ACSM4: variants seen among roughly 807,000 people sequenced by gnomAD.
The protein encoded by ACSM4 is acyl-coenzyme A synthetase ACSM4, mitochondrial.
A neutral mutation model predicts 73.0 loss-of-function variants in ACSM4; 66 were observed. That is an observed-to-expected ratio of 0.90 (90% CI 0.74 to 1.11). The LOEUF (loss-of-function observed/expected upper bound fraction) is 1.11. ACSM4 is among the 50% of genes least tolerant of loss of function. The probability of loss-of-function intolerance (pLI) is 0.00; values close to 1 mark genes in which losing one functional copy is unlikely to be tolerated. For synonymous variants in ACSM4, 222 were observed against 254.0 expected (o/e 0.87, Z 1.20); for missense variants, 645 against 714.4 (o/e 0.90, Z 1.11).
intron 3 of ACSM4, among the ~76,000 whole-genome samples, chr12:7,314,948 T>C (rs34426274): frequency 0.063 from 9,615 of 152,058 alleles, 392 homozygotes; most frequent in East Asian, 0.16. Context: ...GTAATCCCAG[T>C]ACTTTGGGAT....
At chr12:7,321,421 G>A (rs2136335465) in intron 6 of ACSM4, among the ~76,000 whole-genome samples, 1 of 152,306 alleles carries the variant, frequency 6.6e-6, no homozygotes, top group South Asian at 2.1e-4. Flanking sequence ...AAGTAGCATA[G>A]GCTTGTCCAT....
At chr12:7,313,178 C>T (rs1382728587) in intron 3 of ACSM4, among the ~76,000 whole-genome samples, 2 of 152,156 alleles carry the variant, frequency 1.3e-5, no homozygotes, top group Non-Finnish European at 2.9e-5. Flanking sequence ...CTGTCCTAAA[C>T]AACTTTGCAA....
chr12:7,310,266 G>A (rs1276382423), intron 2 of ACSM4, among the ~76,000 whole-genome samples: 2 of 152,176 alleles, frequency 1.3e-5, no homozygotes, highest in African/African-American at 2.4e-5. Flanking sequence ...CCATTTTACA[G>A]ATAAGGAAAG....
At chr12:7,317,018 G>C in intron 3 of ACSM4, 119 bp from the exon 4 acceptor site, 1 of 1,278,036 alleles carries the variant, frequency 7.8e-7, no homozygotes. Context: ...TTTGGATTAG[G>C]TTCAGTTCTG....
rs199557461 is a variant in ACSM4 at position 7,306,676 on chromosome 12, C to T, written c.345C>T (p.Asp115=). The T allele has an allele frequency of 5.6e-6, 9 of 1,611,112 alleles. No homozygotes were observed. The highest frequency in any genetic ancestry group is 5.5e-5 in the South Asian group (5 of 90,202). ...LTKPCGLQRG[D]RLAVILPRIP... ...AGCCCTGTGGCCTGCAGAGAGGAGA[C>T]CGTTTGGCCGTGATTCTGCCCAGAA... Residue 115 remains aspartate (D), a synonymous_variant, in exon 2 of 13, where the codon GAC becomes GAT. Coordinates refer to ENST00000399422, the MANE Select transcript of ACSM4 (RefSeq NM_001080454.2).
At chr12:7,325,758 T>A (rs1482167875) in intron 11 of ACSM4, among the ~76,000 whole-genome samples, 1 of 152,198 alleles carries the variant, frequency 6.6e-6, no homozygotes, top group African/African-American at 2.4e-5. Flanking sequence ...ATAGCCTTAA[T>A]TCTAGGAGGA....
chr12:7,304,559 T>C (rs752199207), intron 1 of ACSM4, 27 bp downstream of exon 1: 8 of 1,596,150 alleles, frequency 5.0e-6, no homozygotes, highest in Non-Finnish European at 6.9e-6. Flanking sequence ...TTCCAGTAGA[T>C]GCTTGGTGTC....
intron 5 of ACSM4, among the ~76,000 whole-genome samples, chr12:7,318,970 CG>C (rs1946440776): frequency 6.6e-6 from 1 of 152,030 alleles, no homozygotes; most frequent in South Asian, 2.1e-4. Flanking sequence ...CTAGGGGGAG[CG>C]GGGAGATAAT....
rs367642233 is a variant in ACSM4 at position 7,322,402 on chromosome 12, A to G, written c.1002-16A>G. ...AGGTTCCTCTTGAAAAGACCCATGC[A>G]ACTCTGTCTCTCCAGATATAAATTC... On this transcript the variant is annotated splice_polypyrimidine_tract_variant and intron_variant, in intron 6 of 12. Coordinates refer to ENST00000399422, the MANE Select transcript of ACSM4 (RefSeq NM_001080454.2). 3.7e-6 allele frequency: 6 copies of G among 1,613,160 alleles called. No homozygotes were observed. In the African/African-American group the frequency reaches 6.7e-5, roughly 18 times the overall value.
At chr12:7,322,852 T>C (rs1946475282) in intron 7 of ACSM4, among the ~76,000 whole-genome samples, 1 of 152,148 alleles carries the variant, frequency 6.6e-6, no homozygotes, top group Non-Finnish European at 1.5e-5. Context: ...TCTGAGAGCG[T>C]CCATGGGAAA....
Position 7,324,329 on chromosome 12 carries a change from C to T in ACSM4, c.1365C>T (p.Asp455=). 1.2e-6 allele frequency: 2 copies of T among 1,613,906 alleles called. No individual in the cohort carries two copies. Among genetic ancestry groups the T allele is most frequent in the Non-Finnish European group, 1.7e-6 (2 of 1,179,904 alleles). ...TIRGDFYVTG[D]RGVMDSDGYF... ...GAGGAGATTTTTATGTCACTGGAGA[C>T]AGAGGAGTGATGGACAGTGATGGGT... Residue 455 remains aspartate, a synonymous_variant, in exon 10 of 13, where the codon GAC becomes GAT. Coordinates refer to ENST00000399422, the MANE Select transcript of ACSM4 (RefSeq NM_001080454.2).
At chr12:7,316,001 A>G (rs1031550468) in intron 3 of ACSM4, among the ~76,000 whole-genome samples, 1 of 152,182 alleles carries the variant, frequency 6.6e-6, no homozygotes. Flanking sequence ...GCCTAGGCTG[A>G]GAAGTCCCAG....
chr12:7,318,127 G>A lies in ACSM4; in HGVS notation c.866G>A (p.Gly289Glu). ...IGSVFSSWLC[G>E]ACVFVHRMAQ... ...AGTGTGTTTTCTTCCTGGCTGTGTG[G>A]AGCCTGTGTTTTTGTGCATCGAATG... The change falls in exon 5 of 13, where the codon GGA (glycine) becomes GAA (glutamate). Residue 289 changes from glycine (G) to glutamate (E), a missense_variant. Physicochemically the swap from Gly to Glu is moderately conservative, Grantham distance 98. Transcript: ENST00000399422. 6.2e-7 allele frequency: 1 copy of A among 1,613,834 alleles called. No homozygotes were observed. The highest frequency in any genetic ancestry group is 8.5e-7 in the Non-Finnish European group (1 of 1,179,826).
chr12:7,304,494 G>C lies in ACSM4; in HGVS notation c.163G>C (p.Ala55Pro). ...NRPLPKNFNF[A>P]ADVLDQWSQK... ...GCCATTGCCTAAAAACTTTAACTTT[G>C]CTGCAGATGTGCTGGACCAGTGGTC... The change falls in exon 1 of 13, where the codon GCT (alanine) becomes CCT (proline). Residue 55 changes from alanine to proline, a missense_variant. Coordinates refer to ENST00000399422, the MANE Select transcript of ACSM4 (RefSeq NM_001080454.2). 6.2e-7 allele frequency: 1 copy of C among 1,613,890 alleles called. No individual in the cohort carries two copies. The highest frequency in any genetic ancestry group is 2.2e-5 in the East Asian group (1 of 44,888).
chr12:7,312,076 T>A (rs1946394172), intron 3 of ACSM4, among the ~76,000 whole-genome samples: 1 of 152,202 alleles, frequency 6.6e-6, no homozygotes, highest in African/African-American at 2.4e-5. Flanking sequence ...AGTGGAGTAG[T>A]TACAACAGAA....
intron 2 of ACSM4, among the ~76,000 whole-genome samples, chr12:7,309,266 T>C (rs1252127242): frequency 6.6e-6 from 1 of 152,160 alleles, no homozygotes; most frequent in African/African-American, 2.4e-5. Flanking sequence ...ACCACTGGAA[T>C]CCATAGAGAA....
At chr12:7,314,169 G>A (rs963774556) in intron 3 of ACSM4, among the ~76,000 whole-genome samples, 3 of 152,172 alleles carry the variant, frequency 2.0e-5, no homozygotes, top group African/African-American at 7.2e-5. Flanking sequence ...AAGGAGTCAA[G>A]GCTGAGCTGC....
chr12:7,318,368 G>C, intron 5 of ACSM4, 186 bp downstream of exon 5: 1 of 633,184 alleles, frequency 1.6e-6, no homozygotes, highest in Non-Finnish European at 2.5e-6. Context: ...GGGAACAACT[G>C]CAACACTCTG....
chr12:7,309,495 T>C (rs1441402544), intron 2 of ACSM4, among the ~76,000 whole-genome samples: 1 of 152,200 alleles, frequency 6.6e-6, no homozygotes, highest in Non-Finnish European at 1.5e-5. Context: ...TTATGAAACA[T>C]ACAAAAATGA....
Sources: gnomAD v4.1 joint callset for allele counts (sites outside exome capture counted in the v4.1 genomes callset) on GRCh38, gnomAD v4.1.1 for gene constraint, MANE v1.5 for transcripts, NCBI Gene and HGNC (gene_info 2026-07-23, HGNC 2026-07-21) for gene names.